The following NRAS variants were observed in gnomAD, a reference collection of about 807,000 sequenced individuals.
The protein encoded by NRAS is NRAS proto-oncogene, GTPase, also known as GTPase NRas.
A neutral mutation model predicts 21.3 loss-of-function variants in NRAS; 6 were observed. The ratio of observed to expected loss-of-function variants is 0.28; its 90% CI spans 0.15 to 0.56. NRAS has a LOEUF of 0.56. Ranked by LOEUF, NRAS falls within the 20% of genes least tolerant of loss-of-function variation. The probability of loss-of-function intolerance (pLI) is 0.93; values close to 1 mark genes in which losing one functional copy is unlikely to be tolerated. For missense variants in NRAS, 143 were observed against 231.3 expected (o/e 0.62, Z 2.48); for synonymous variants, 84 against 82.0 (o/e 1.02, Z -0.13).
Position 114,705,662 on chromosome 1 carries a change from C to G in NRAS, c.*2432G>C, listed in dbSNP as rs1477101340. ...TTGGAGACAAGTCTCTCTTGTCACC[C>G]AGGCTGGAGTGCAGTGGCACGATCT... On this transcript the variant is annotated 3_prime_UTR_variant, in exon 7 of 7. Transcript: ENST00000369535. 6.6e-6 allele frequency: 1 copy of G among 152,214 alleles called. No individual in the cohort carries two copies. Among genetic ancestry groups the G allele is most frequent in the Non-Finnish European group, 1.5e-5 (1 of 68,052 alleles). The allele number at this position is 152,214 out of a possible 1,614,324, so 9.4% of individuals were successfully genotyped here.
intron 1 of NRAS, 119 bp from the exon 2 acceptor site, chr1:114,716,296 C>A: frequency 1.4e-6 from 1 of 733,638 alleles, no homozygotes; most frequent in East Asian, 2.6e-5. Context: ...CTTAAAGTGA[C>A]TAGAGAACGC....
At chr1:114,711,102 G>A (rs969262368) in intron 3 of NRAS, among the ~76,000 whole-genome samples, 1 of 151,960 alleles carries the variant, frequency 6.6e-6, no homozygotes, top group African/African-American at 2.4e-5. Flanking sequence ...CTAGGAGTCC[G>A]AGACCAGCCT....
chr1:114,707,994 A>G lies in NRAS; in HGVS notation c.*100T>C. 6.1e-6 allele frequency: 1 copy of G among 163,314 alleles called. No individual in the cohort carries two copies. Among genetic ancestry groups the G allele is most frequent in the Non-Finnish European group, 1.3e-5 (1 of 74,474 alleles). The allele number at this position is 163,314 out of a possible 1,614,324, so 10.1% of individuals were successfully genotyped here. ...AGCAGGAGCTTCTCTGTGAGACTGA[A>G]GACAGCAACAGGAATACTTCTCCTC... On this transcript the variant is annotated 3_prime_UTR_variant, in exon 7 of 7. Transcript: ENST00000369535.
In NRAS at chr1:114,706,402, C is replaced by T. The variant is rs1385866011; in HGVS notation, c.*1692G>A. 6.6e-6 allele frequency: 1 copy of T among 152,146 alleles called. No individual in the cohort carries two copies. Among genetic ancestry groups the T allele is most frequent in the East Asian group, 1.9e-4 (1 of 5,186 alleles). 9.4% of individuals were successfully genotyped at this position (152,146 alleles called of 1,614,324 possible). A position where few individuals can be genotyped will look rare whatever the true frequency, so the allele number is the denominator to read the frequency against. On this transcript the variant is annotated 3_prime_UTR_variant, in exon 7 of 7. Coordinates refer to ENST00000369535, the MANE Select transcript of NRAS (RefSeq NM_002524.5). ...AAATTAAAATGCCAAGCCTCCAAAT[C>T]CTCATAGGTATCAATTAATTATATT...
At position 114,713,354 on chromosome 1, in the gene NRAS, G is replaced by A. The variant is rs9724628; in HGVS notation, c.290+446C>T. On this transcript the variant is annotated intron_variant, in intron 3 of 6. Transcript: ENST00000369535. ...TTTATTTTTATTTTTGTAGAGACAG[G>A]GTCTTGCTCTGTTGCCCAGGCTGGT... 8.5e-3 allele frequency among the ~76,000 whole-genome samples: 1,290 copies of A among 151,970 alleles called. 17 individuals are homozygous for A. Among genetic ancestry groups the A allele is most frequent in the African/African-American group, 0.029 (1,214 of 41,432 alleles).
intron 4 of NRAS, 108 bp downstream of exon 4, chr1:114,709,461 A>G (rs1658991975): frequency 1.0e-6 from 1 of 959,462 alleles, no homozygotes; most frequent in African/African-American, 1.7e-5. Flanking sequence ...AAAAAAATAA[A>G]AATGAAAAAA....
At chr1:114,713,022 T>C (rs1413839067) in intron 3 of NRAS, among the ~76,000 whole-genome samples, 3 of 152,196 alleles carry the variant, frequency 2.0e-5, no homozygotes, top group African/African-American at 7.2e-5. Flanking sequence ...TTCTGAACTC[T>C]GTTTCTGATT....
chr1:114,709,123 A>C (rs1658982355), intron 4 of NRAS, among the ~76,000 whole-genome samples: 2 of 152,242 alleles, frequency 1.3e-5, no homozygotes, highest in African/African-American at 4.8e-5. Context: ...AAGCGTTAAG[A>C]AAAAGAACAC....
intron 3 of NRAS, among the ~76,000 whole-genome samples, chr1:114,710,348 T>A (rs992006119): frequency 4.1e-5 from 6 of 144,706 alleles, no homozygotes; most frequent in South Asian, 2.1e-4. Context: ...AAATAAAAAA[T>A]ATATATACAA....
At chr1:114,708,870 A>G (rs552807193) in intron 4 of NRAS, among the ~76,000 whole-genome samples, 2 of 152,346 alleles carry the variant, frequency 1.3e-5, no homozygotes, top group Admixed American at 6.5e-5. Flanking sequence ...AAAATGGCAC[A>G]TTTTGCCAAA....
rs1328445116 is a variant in NRAS, at chr1:114,716,077, A to G, written c.84T>C (p.Phe28=). The G allele has an allele frequency of 1.7e-5, 28 of 1,613,578 alleles. No individual in the cohort carries two copies. Among genetic ancestry groups the G allele is most frequent in the Non-Finnish European group, 2.3e-5 (27 of 1,179,478 alleles). The change falls in exon 2 of 7, where the codon TTT becomes TTC. Residue 28 remains phenylalanine, a synonymous_variant. Transcript: ENST00000369535. The part of the protein sequence containing the change: ...ALTIQLIQNH[F]VDEYDPTIED... ...CTATGGTGGGATCATATTCATCTACAAAGTGGTTCTGGATTAGCTGGATTG... is the reference window on the plus strand; with the variant it reads ...CTATGGTGGGATCATATTCATCTACGAAGTGGTTCTGGATTAGCTGGATTG...
chr1:114,714,749 T>G (rs931756216), intron 2 of NRAS, among the ~76,000 whole-genome samples: 4 of 152,190 alleles, frequency 2.6e-5, no homozygotes, highest in Admixed American at 2.6e-4. Context: ...GACATAAAAT[T>G]TATGTATTTT....
At position 114,704,805 on chromosome 1, in the gene NRAS, TACA is replaced by T. The variant is rs1384975808; in HGVS notation, c.*3286_*3288del. 1.3e-5 allele frequency: 2 copies of T among 152,210 alleles called. No individual in the cohort carries two copies. The highest frequency in any genetic ancestry group is 2.9e-5 in the Non-Finnish European group (2 of 68,040). The allele number at this position is 152,210 out of a possible 1,614,324, so 9.4% of individuals were successfully genotyped here. A position where few individuals can be genotyped will look rare whatever the true frequency, so the allele number is the denominator to read the frequency against. On this transcript the variant is annotated 3_prime_UTR_variant, in exon 7 of 7. Coordinates refer to ENST00000369535, the MANE Select transcript of NRAS (RefSeq NM_002524.5). ...AATCATCTTACGTTTTGAAATATAA[TACA>T]ACTACTCTGGTAACAAGAATACTTT...
chr1:114,708,290 T>C (rs1658962138), intron 5 of NRAS, 98 bp from the exon 6 acceptor site: 1 of 538,918 alleles, frequency 1.9e-6, no homozygotes. Context: ...TATGCCTACA[T>C]TTCATAAATA....
chr1:114,712,161 T>G (rs893736062), intron 3 of NRAS, among the ~76,000 whole-genome samples: 2 of 152,154 alleles, frequency 1.3e-5, no homozygotes, highest in Non-Finnish European at 2.9e-5. Flanking sequence ...TCTTTGAGGA[T>G]CCATGGGAAA....
intron 2 of NRAS, 131 bp downstream of exon 2, chr1:114,715,919 G>A: frequency 1.4e-6 from 1 of 717,360 alleles, no homozygotes. Context: ...TAAGCTTATT[G>A]CATAACTGAA....
rs1557979952 is a variant in NRAS at position 114,705,705 on chromosome 1, C to T, written c.*2389G>A. On this transcript the variant is annotated 3_prime_UTR_variant, in exon 7 of 7. Coordinates refer to ENST00000369535, the MANE Select transcript of NRAS (RefSeq NM_002524.5). ...CACGATCTCTGCTCACTGTAACCTC[C>T]ACCTCCTGGGTTGAAGTGATTCTCC... 1 of 152,234 alleles carries T rather than the reference C, an allele frequency of 6.6e-6. No individual in the cohort carries two copies. The highest frequency in any genetic ancestry group is 1.5e-5 in the Non-Finnish European group (1 of 68,078). 9.4% of individuals were successfully genotyped at this position (152,234 alleles called of 1,614,324 possible).
rs527994102 is a variant in NRAS at position 114,704,474 on chromosome 1, A to T, written c.*3620T>A. ...CACTTCAGTGAATATAAGAATTATG[A>T]CTAAGCCAAGAACTTCCAGTTTTTA... On this transcript the variant is annotated 3_prime_UTR_variant, in exon 7 of 7. Coordinates refer to ENST00000369535, the MANE Select transcript of NRAS (RefSeq NM_002524.5). 14 of 152,372 alleles carry T rather than the reference A, an allele frequency of 9.2e-5. No individual in the cohort carries two copies. Among genetic ancestry groups the T allele is most frequent in the African/African-American group, 3.4e-4 (14 of 41,598 alleles). 9.4% of individuals were successfully genotyped at this position (152,372 alleles called of 1,614,324 possible).
chr1:114,708,695 C>T (rs1658972802), intron 4 of NRAS, 41 bp from the exon 5 acceptor site: 2 of 1,603,190 alleles, frequency 1.2e-6, no homozygotes, highest in African/African-American at 1.3e-5. Flanking sequence ...AGAGCTAGCT[C>T]AACGGACACA....
Sources: gnomAD v4.1 joint callset for allele counts (sites outside exome capture counted in the v4.1 genomes callset) on GRCh38, gnomAD v4.1.1 for gene constraint, MANE v1.5 for transcripts, NCBI Gene and HGNC (gene_info 2026-07-23, HGNC 2026-07-21) for gene names.